CNTN6: variants seen among roughly 807,000 people sequenced by gnomAD.
CNTN6 encodes the protein contactin-6.
Under a neutral mutation model 122.8 loss-of-function variants are expected in CNTN6, and 137 were observed. The observed-to-expected ratio is 1.12, with a 90% CI of 0.97 to 1.29. The LOEUF (loss-of-function observed/expected upper bound fraction) is 1.29. CNTN6 is among the 50% of genes most tolerant of loss of function. CNTN6 has a pLI of 0.00. For missense variants in CNTN6, 1,634 were observed against 1,223.4 expected (o/e 1.34, Z -5.01); for synonymous variants, 570 against 426.0 (o/e 1.34, Z -4.16).
intron 1 of CNTN6, among the ~76,000 whole-genome samples, chr3:1,143,917 C>T (rs1421302454): frequency 6.6e-6 from 1 of 152,142 alleles, no homozygotes; most frequent in East Asian, 1.9e-4. Flanking sequence ...CTTCAATTTT[C>T]AAAGGAGGAA....
intron 1 of CNTN6, among the ~76,000 whole-genome samples, chr3:1,107,642 C>G (rs1355468834): frequency 2.6e-5 from 4 of 151,978 alleles, no homozygotes; most frequent in Non-Finnish European, 5.9e-5. Flanking sequence ...AATGTTTGAC[C>G]ATGCTCCAGG....
rs184330017 is a variant in CNTN6 at position 1,248,416 on chromosome 3, A to T, written c.358+20423A>T. Among the ~76,000 whole-genome samples, 24 of 152,344 alleles carry T rather than the reference A, an allele frequency of 1.6e-4. No individual in the cohort carries two copies. In the East Asian group the frequency reaches 4.4e-3, roughly 28 times the overall value. On this transcript the variant is annotated intron_variant, in intron 4 of 22. Coordinates refer to ENST00000446702, the MANE Select transcript of CNTN6 (RefSeq NM_001289080.2). ...AACCTTCCTACAGTTATTTCTAATT[A>T]AACAGGATAATCTAGTTTAATCCTC...
intron 20 of CNTN6, among the ~76,000 whole-genome samples, chr3:1,387,181 A>G (rs146556358): frequency 1.2e-4 from 18 of 152,318 alleles, no homozygotes; most frequent in African/African-American, 3.8e-4. Context: ...CAAGGTACTG[A>G]TTCTGGAAGC....
chr3:1,233,261 ATATAT>A (rs1348896664), intron 4 of CNTN6, among the ~76,000 whole-genome samples: 2 of 152,046 alleles, frequency 1.3e-5, no homozygotes, highest in African/African-American at 4.8e-5. Context: ...TGAGGACCAA[ATATAT>A]TATGTGGAAA....
chr3:1,302,141 G>T (rs1697539549), intron 7 of CNTN6, among the ~76,000 whole-genome samples: 1 of 152,262 alleles, frequency 6.6e-6, no homozygotes, highest in South Asian at 2.1e-4. Flanking sequence ...ATCTGTATTT[G>T]TAAGTTTGTT....
At chr3:1,115,373 A>T (rs1330876481) in intron 1 of CNTN6, among the ~76,000 whole-genome samples, 1 of 152,174 alleles carries the variant, frequency 6.6e-6, no homozygotes, top group African/African-American at 2.4e-5. Context: ...TTATGAAGAA[A>T]GATTAAGAAC....
In CNTN6 at chr3:1,383,409, G is replaced by A; in HGVS notation, c.2517+1G>A. ...CACTGGAAGAGTGCTGGGCTATGAG[G>A]TAATCCACATTAATTTCACTTTTGC... On this transcript the variant is annotated splice_donor_variant, in intron 19 of 22. Coordinates refer to ENST00000446702, the MANE Select transcript of CNTN6 (RefSeq NM_001289080.2). LOFTEE classifies it high-confidence loss of function. 1 of 1,610,116 alleles carries A rather than the reference G, an allele frequency of 6.2e-7. No individual in the cohort carries two copies. The highest frequency in any genetic ancestry group is 2.2e-5 in the East Asian group (1 of 44,850).
chr3:1,357,544 G>T (rs1432737151), intron 12 of CNTN6, among the ~76,000 whole-genome samples: 2 of 151,886 alleles, frequency 1.3e-5, no homozygotes, highest in Non-Finnish European at 2.9e-5. Flanking sequence ...GGAGATTGAG[G>T]AATAGGTTGC....
chr3:1,335,389 C>T (rs1341187572), intron 11 of CNTN6, among the ~76,000 whole-genome samples: 1 of 152,188 alleles, frequency 6.6e-6, no homozygotes, highest in African/African-American at 2.4e-5. Context: ...GCAAGGCATT[C>T]TCAGGCAACT....
rs767390703 is a variant in CNTN6, at chr3:1,401,529, A to T, written c.2801A>T (p.Glu934Val). The change falls in exon 21 of 23, where the codon GAA (glutamate) becomes GTA (valine). Residue 934 changes from glutamate (E) to valine (V), a missense_variant. Coordinates refer to ENST00000446702, the MANE Select transcript of CNTN6 (RefSeq NM_001289080.2). ...EHVKTMENESEVLGYKILYRQ... is the reference protein window; with the variant it reads ...EHVKTMENESVVLGYKILYRQ... ...GTAAAAACCATGGAAAATGAGTCTG[A>T]AGTTTTGGGGTACAAGGTGAGTTTT... The T allele has an allele frequency of 1.2e-5, 20 of 1,610,342 alleles. No homozygotes were observed. The highest frequency in any genetic ancestry group is 1.6e-4 in the Middle Eastern group (1 of 6,072).
intron 1 of CNTN6, among the ~76,000 whole-genome samples, chr3:1,110,593 G>A (rs566824331): frequency 6.6e-6 from 1 of 152,214 alleles, no homozygotes; most frequent in Non-Finnish European, 1.5e-5. Flanking sequence ...TTGAAGGAAG[G>A]TGATGTATGT....
intron 12 of CNTN6, among the ~76,000 whole-genome samples, chr3:1,367,140 C>T (rs958926130): frequency 6.6e-6 from 1 of 152,152 alleles, no homozygotes; most frequent in African/African-American, 2.4e-5. Context: ...ACAGCCATCA[C>T]TTCACATCCT....
intron 2 of CNTN6, among the ~76,000 whole-genome samples, chr3:1,214,002 C>T (rs1020630113): frequency 6.6e-6 from 1 of 151,864 alleles, no homozygotes; most frequent in African/African-American, 2.4e-5. Flanking sequence ...ATTATATTCC[C>T]TCATTCACTT....
At chr3:1,370,340 G>A (rs1475665784) in intron 12 of CNTN6, among the ~76,000 whole-genome samples, 1 of 152,026 alleles carries the variant, frequency 6.6e-6, no homozygotes, top group Non-Finnish European at 1.5e-5. Flanking sequence ...ACACACCGGG[G>A]ACTATTGTGG....
chr3:1,317,448 G>T (rs367762989), intron 7 of CNTN6, among the ~76,000 whole-genome samples: 1 of 151,688 alleles, frequency 6.6e-6, no homozygotes, highest in Non-Finnish European at 1.5e-5. Context: ...ATAATATATT[G>T]GCTAACTGAA....
Position 1,139,774 on chromosome 3 carries a change from C to T in CNTN6, c.-82-8153C>T, listed in dbSNP as rs141333545. ...GGAAGTGACTTACAGAAATAGAAAG[C>T]GAGGTACAGAAGCAGCTGGATTGGT... On this transcript the variant is annotated intron_variant, in intron 1 of 22. Transcript: ENST00000446702. 1.3e-3 allele frequency among the ~76,000 whole-genome samples: 194 copies of T among 152,108 alleles called. 1 individual carries two copies. The highest frequency in any genetic ancestry group is 4.1e-3 in the African/African-American group (169 of 41,520).
chr3:1,120,366 A>G (rs2091903857), intron 1 of CNTN6, among the ~76,000 whole-genome samples: 1 of 151,920 alleles, frequency 6.6e-6, no homozygotes, highest in Admixed American at 6.6e-5. Context: ...AGTGTTTGGC[A>G]TGGTCAGTCT....
At chr3:1,402,134 A>C (rs557076298) in intron 21 of CNTN6, among the ~76,000 whole-genome samples, 184 bp from the exon 22 acceptor site, 2 of 152,170 alleles carry the variant, frequency 1.3e-5, no homozygotes, top group South Asian at 2.1e-4. Flanking sequence ...GGCCAAAAAA[A>C]AAAACACCTC....
chr3:1,390,646 A>AATTG (rs1166932852), intron 20 of CNTN6, among the ~76,000 whole-genome samples: 179 of 152,284 alleles, frequency 1.2e-3, no homozygotes, highest in African/African-American at 4.0e-3. Context: ...GGATCAACAA[A>AATTG]ATTGATAGAC....
Sources: gnomAD v4.1 joint callset for allele counts (sites outside exome capture counted in the v4.1 genomes callset) on GRCh38, gnomAD v4.1.1 for gene constraint, MANE v1.5 for transcripts, NCBI Gene and HGNC (gene_info 2026-07-23, HGNC 2026-07-21) for gene names.